The following CFAP44 variants were observed in gnomAD, a reference collection of about 807,000 sequenced individuals.
CFAP44 encodes cilia- and flagella-associated protein 44.
Under a neutral mutation model 216.2 loss-of-function variants are expected in CFAP44, and 134 were observed. The observed-to-expected ratio is 0.62, with a 90% confidence interval of 0.54 to 0.72. CFAP44 has a LOEUF of 0.72. Ranked by LOEUF, CFAP44 falls within the 30% of genes least tolerant of loss-of-function variation. The probability of loss-of-function intolerance (pLI) is 0.00; values close to 1 mark genes in which losing one functional copy is unlikely to be tolerated. For synonymous variants in CFAP44, 700 were observed against 727.6 expected (o/e 0.96, Z 0.61); for missense variants, 2,035 against 2,182.1 (o/e 0.93, Z 1.34).
In CFAP44 at chr3:113,306,336, C is replaced by T. The variant is rs1409223082; in HGVS notation, c.4628-5G>A. 2.0e-6 allele frequency: 3 copies of T among 1,533,256 alleles called. No individual in the cohort carries two copies. The highest frequency in any genetic ancestry group is 2.6e-6 in the Non-Finnish European group (3 of 1,145,924). 95.0% of individuals were successfully genotyped at this position (1,533,256 alleles called of 1,614,324 possible). On this transcript the variant is annotated splice_region_variant and splice_polypyrimidine_tract_variant and intron_variant, in intron 29 of 34. Coordinates refer to ENST00000393845, the MANE Select transcript of CFAP44 (RefSeq NM_001164496.2). ...CAAAAAGAGCCACATCACAATCTGC[C>T]AAGAGAATTAAAATAAAAACCAGCC... is the stretch of plus-strand genomic sequence containing the variant.
At chr3:113,407,332 AATTTAG>A (rs1449253690) in intron 7 of CFAP44, among the ~76,000 whole-genome samples, 1 of 152,146 alleles carries the variant, frequency 6.6e-6, no homozygotes, top group African/African-American at 2.4e-5. Flanking sequence ...TGACTATTTA[AATTTAG>A]ATTTAAAGTA....
At chr3:113,344,116 A>T (rs890810255) in intron 23 of CFAP44, among the ~76,000 whole-genome samples, 1 of 152,178 alleles carries the variant, frequency 6.6e-6, no homozygotes, top group African/African-American at 2.4e-5. Flanking sequence ...TACACTTTGG[A>T]ATAGGGCCCA....
At position 113,366,244 on chromosome 3, in the gene CFAP44, T is replaced by C; in HGVS notation, c.2510A>G (p.Gln837Arg). Residue 837 changes from glutamine (Q) to arginine (R), a missense_variant, in exon 19 of 35, where the codon CAA becomes CGA. This residue lies in a region of CFAP44 where 1,883 missense variants were observed against 2,023.7 expected (regional missense o/e 0.93). Coordinates refer to ENST00000393845, the MANE Select transcript of CFAP44 (RefSeq NM_001164496.2). ...CAAACTGGTCAATGAAGGATCATTT[T>C]GATTTAGGACATAGACTCGAATTGC... ...NGAIRVYVLN[Q>R]NDPSLTSLVD... 1 of 1,613,986 alleles carries C rather than the reference T, an allele frequency of 6.2e-7. No homozygotes were observed. The highest frequency in any genetic ancestry group is 1.1e-5 in the South Asian group (1 of 91,046).
rs1949821615 is a variant in CFAP44 at position 113,290,803 on chromosome 3, G to C, written c.*754C>G. ...AATGGCAGGGGACATGAGAAACTAT[G>C]GGGAAAACTTAGAATTCTGACGGAG... On this transcript the variant is annotated 3_prime_UTR_variant, in exon 35 of 35. Coordinates refer to ENST00000393845, the MANE Select transcript of CFAP44 (RefSeq NM_001164496.2). 6.6e-6 allele frequency: 1 copy of C among 152,182 alleles called. No individual in the cohort carries two copies. The highest frequency in any genetic ancestry group is 6.5e-5 in the Admixed American group (1 of 15,278). The allele number at this position is 152,182 out of a possible 1,614,324, so 9.4% of individuals were successfully genotyped here.
intron 6 of CFAP44, among the ~76,000 whole-genome samples, chr3:113,410,143 A>G (rs1934414983): frequency 6.6e-6 from 1 of 151,492 alleles, no homozygotes. Context: ...TTCTTAATAA[A>G]CTTGTTTTCT....
intron 24 of CFAP44, 54 bp from the exon 25 acceptor site, chr3:113,333,637 T>A: frequency 7.0e-7 from 1 of 1,423,106 alleles, no homozygotes; most frequent in Non-Finnish European, 9.1e-7. Flanking sequence ...TAAACTCTAA[T>A]TTGTCTACTT....
At chr3:113,318,492 G>C (rs1021001432) in intron 28 of CFAP44, among the ~76,000 whole-genome samples, 3 of 152,244 alleles carry the variant, frequency 2.0e-5, no homozygotes, top group Admixed American at 6.5e-5. Context: ...AAGCAACTTG[G>C]AAAATATATT....
chr3:113,356,387 C>A (rs912460823), intron 22 of CFAP44, among the ~76,000 whole-genome samples: 6 of 151,932 alleles, frequency 3.9e-5, no homozygotes, highest in Non-Finnish European at 8.8e-5. Flanking sequence ...CAAGTTGATT[C>A]TATGCAAAGA....
chr3:113,299,013 T>A (rs1218995473), intron 32 of CFAP44, among the ~76,000 whole-genome samples: 1 of 152,156 alleles, frequency 6.6e-6, no homozygotes, highest in African/African-American at 2.4e-5. Flanking sequence ...TACTGCAATT[T>A]AAAAAATAAA....
Position 113,303,905 on chromosome 3 carries a change from T to G in CFAP44, c.5077+11A>C. 1 of 1,537,520 alleles carries G rather than the reference T, an allele frequency of 6.5e-7. No homozygotes were observed. The highest frequency in any genetic ancestry group is 2.4e-5 in the East Asian group (1 of 40,918). On this transcript the variant is annotated intron_variant, in intron 32 of 34. Transcript: ENST00000393845. ...AACCTTACTAGCAAGGCTGTGGGCT[T>G]AGATACTCACTGTGTATGGTTTTTG... is the stretch of plus-strand genomic sequence containing the variant.
chr3:113,366,399 C>A, intron 18 of CFAP44, 90 bp from the exon 19 acceptor site: 1 of 1,470,554 alleles, frequency 6.8e-7, no homozygotes, highest in Non-Finnish European at 9.2e-7. Flanking sequence ...AAATTAATAA[C>A]AAAGTTGTTA....
At chr3:113,380,143 C>T (rs115960952) in intron 16 of CFAP44, among the ~76,000 whole-genome samples, 3 of 152,168 alleles carry the variant, frequency 2.0e-5, no homozygotes, top group Non-Finnish European at 4.4e-5. Flanking sequence ...CCCACTAACT[C>T]GTCATCTAGC....
intron 15 of CFAP44, among the ~76,000 whole-genome samples, chr3:113,386,490 G>C (rs1298707328): frequency 6.6e-6 from 1 of 152,170 alleles, no homozygotes; most frequent in African/African-American, 2.4e-5. Flanking sequence ...AGAAGATCAA[G>C]TTCAAAAGCA....
intron 6 of CFAP44, among the ~76,000 whole-genome samples, chr3:113,416,172 C>T (rs1286571837): frequency 7.2e-6 from 1 of 139,368 alleles, no homozygotes; most frequent in African/African-American, 2.8e-5. Context: ...AAGATTGCAA[C>T]CCTTGGTGTT....
At position 113,308,234 on chromosome 3, in the gene CFAP44, T is replaced by C. The variant is rs1308209946; in HGVS notation, c.4551A>G (p.Glu1517=). The C allele has an allele frequency of 1.3e-6, 2 of 1,536,438 alleles. No individual in the cohort carries two copies. Among genetic ancestry groups the C allele is most frequent in the South Asian group, 2.4e-5 (2 of 83,778 alleles). The part of the protein sequence containing the change: ...EDEESEESSE[E]ESSLESDEDE... ...CTTCATCACTCTCCAAGCTAGATTC[T>C]TCTTCACTTGATTCCTCACTCTCCT... The change falls in exon 29 of 35, where the codon GAA becomes GAG. Residue 1517 remains glutamate, a synonymous_variant. Coordinates refer to ENST00000393845, the MANE Select transcript of CFAP44 (RefSeq NM_001164496.2).
chr3:113,341,760 T>C lies in CFAP44; in HGVS notation c.3421A>G (p.Lys1141Glu). 2 of 1,490,714 alleles carry C rather than the reference T, an allele frequency of 1.3e-6. No individual in the cohort carries two copies. The highest frequency in any genetic ancestry group is 1.8e-6 in the Non-Finnish European group (2 of 1,132,602). 92.3% of individuals were successfully genotyped at this position (1,490,714 alleles called of 1,614,324 possible). A position where few individuals can be genotyped will look rare whatever the true frequency, so the allele number is the denominator to read the frequency against. The change falls in exon 24 of 35, where the codon AAA becomes GAA. Residue 1141 changes from lysine to glutamate, a missense_variant. Physicochemically the swap from Lys to Glu is moderately conservative, Grantham distance 56. Transcript: ENST00000393845. ...AAAACTCACAGTTCCTCCCATTCTT[T>C]TTTTCGCTGTTGAATCTTTAGTTGT... Reference protein sequence around the residue: ...RAQLKIQQRKKEWEELYKSKP... With the variant: ...RAQLKIQQRKEEWEELYKSKP...
chr3:113,308,007 T>TA, intron 29 of CFAP44, 151 bp downstream of exon 29: 2 of 574,706 alleles, frequency 3.5e-6, no homozygotes, highest in Admixed American at 3.6e-5. Context: ...TCCTTACACT[T>TA]AAAAAAAGGT....
At chr3:113,374,848 C>T (rs967203273) in intron 17 of CFAP44, among the ~76,000 whole-genome samples, 8 of 152,152 alleles carry the variant, frequency 5.3e-5, no homozygotes, top group African/African-American at 1.7e-4. Flanking sequence ...GTTGGCCAGG[C>T]TGGTCTGGAA....
chr3:113,295,911 A>T (rs1038062666), intron 33 of CFAP44, among the ~76,000 whole-genome samples: 29 of 152,162 alleles, frequency 1.9e-4, no homozygotes, highest in African/African-American at 4.8e-4. Context: ...TATACTTTTT[A>T]AAAAAATGTA....
Sources: gnomAD v4.1 joint callset for allele counts (sites outside exome capture counted in the v4.1 genomes callset) on GRCh38, gnomAD v4.1.1 for gene constraint, gnomAD v4.1.1 regional missense constraint, MANE v1.5 for transcripts, NCBI Gene and HGNC (gene_info 2026-07-23, HGNC 2026-07-21) for gene names.